The following NTM variants were observed in gnomAD, a reference collection of about 807,000 sequenced individuals.
NTM encodes the protein neurotrimin.
Under a neutral mutation model 42.1 loss-of-function variants are expected in NTM, and 13 were observed. The ratio of observed to expected loss-of-function variants is 0.31; its 90% CI spans 0.20 to 0.49. The LOEUF is 0.49. Among genes scored for constraint, NTM ranks in the 20% least tolerant of loss-of-function variants. NTM has a pLI of 0.99. For missense variants in NTM, 373 were observed against 452.8 expected (o/e 0.82, Z 1.60); for synonymous variants, 187 against 179.2 (o/e 1.04, Z -0.35).
chr11:131,577,258 G>A (rs1251878010), intron 1 of NTM, among the ~76,000 whole-genome samples: 1 of 151,992 alleles, frequency 6.6e-6, no homozygotes, highest in Non-Finnish European at 1.5e-5. Context: ...TTGAGGATGG[G>A]GAAAACATCC....
At chr11:131,966,081 G>A (rs1056859797) in intron 2 of NTM, among the ~76,000 whole-genome samples, 9 of 152,100 alleles carry the variant, frequency 5.9e-5, no homozygotes, top group Non-Finnish European at 1.3e-4. Flanking sequence ...ACACTCGAGG[G>A]TGAGTTAATA....
At chr11:131,751,375 G>T (rs959596039) in intron 1 of NTM, among the ~76,000 whole-genome samples, 1 of 152,076 alleles carries the variant, frequency 6.6e-6, no homozygotes, top group Non-Finnish European at 1.5e-5. Context: ...CGGATCACGA[G>T]GTCAGGGGAT....
intron 1 of NTM, among the ~76,000 whole-genome samples, chr11:131,863,757 C>T (rs57607162): frequency 6.6e-6 from 1 of 152,176 alleles, no homozygotes; most frequent in South Asian, 2.1e-4. Context: ...CCCTAAAAAT[C>T]TTCCACAGGT....
intron 1 of NTM, among the ~76,000 whole-genome samples, chr11:131,650,736 G>A (rs1437401764): frequency 1.3e-5 from 2 of 151,974 alleles, no homozygotes. Flanking sequence ...GAGGAAATGA[G>A]CTTAAACTAC....
At chr11:132,157,463 T>C (rs1035661355) in intron 3 of NTM, among the ~76,000 whole-genome samples, 1 of 152,148 alleles carries the variant, frequency 6.6e-6, no homozygotes, top group African/African-American at 2.4e-5. Flanking sequence ...TGATACTTTT[T>C]GATGTTGAAA....
intron 2 of NTM, among the ~76,000 whole-genome samples, chr11:132,083,991 T>A (rs1566115789): frequency 1.3e-5 from 2 of 151,252 alleles, no homozygotes; most frequent in South Asian, 2.1e-4. Context: ...AAGCAAAAGT[T>A]AAAAAAAAAG....
chr11:132,086,816 T>C (rs1481840055), intron 2 of NTM, among the ~76,000 whole-genome samples: 8 of 152,200 alleles, frequency 5.3e-5, no homozygotes, highest in African/African-American at 1.7e-4. Flanking sequence ...CTGGGTTCTC[T>C]TCCCCTGAGC....
At chr11:132,136,949 T>C (rs1372067938) in intron 2 of NTM, among the ~76,000 whole-genome samples, 1 of 152,190 alleles carries the variant, frequency 6.6e-6, no homozygotes, top group Non-Finnish European at 1.5e-5. Flanking sequence ...GCACTAGGCC[T>C]TGGGCATGGG....
intron 2 of NTM, among the ~76,000 whole-genome samples, chr11:132,080,739 C>G (rs1292796595): frequency 2.0e-5 from 3 of 152,116 alleles, no homozygotes; most frequent in Non-Finnish European, 4.4e-5. Flanking sequence ...GGAATATCTT[C>G]TATTGTTAAT....
chr11:132,263,486 A>G (rs186627800), intron 4 of NTM, among the ~76,000 whole-genome samples: 2 of 152,318 alleles, frequency 1.3e-5, no homozygotes, highest in Admixed American at 6.5e-5. Flanking sequence ...TGACTTCCTT[A>G]TCAAGCAATG....
chr11:131,787,070 A>T (rs762193975), intron 1 of NTM, among the ~76,000 whole-genome samples: 43 of 152,162 alleles, frequency 2.8e-4, no homozygotes, highest in Admixed American at 6.5e-4. Flanking sequence ...TTGAAAATTA[A>T]CTACAAAAAC....
intron 1 of NTM, among the ~76,000 whole-genome samples, chr11:131,754,059 A>C (rs1481548397): frequency 1.4e-5 from 2 of 146,556 alleles, no homozygotes; most frequent in East Asian, 4.2e-4. Flanking sequence ...GCATGTTCTC[A>C]CTCATAGGTG....
intron 4 of NTM, among the ~76,000 whole-genome samples, chr11:132,213,045 C>T (rs573117681): frequency 6.6e-6 from 1 of 152,110 alleles, no homozygotes; most frequent in Admixed American, 6.5e-5. Context: ...CAAGAGCTTT[C>T]TTCAGAGAAG....
intron 4 of NTM, among the ~76,000 whole-genome samples, chr11:132,227,208 A>G (rs2086495316): frequency 6.6e-6 from 1 of 152,210 alleles, no homozygotes; most frequent in Non-Finnish European, 1.5e-5. Context: ...AGGAAATCTC[A>G]AAACCAGTTC....
At chr11:131,436,714 T>C (rs1347309924) in intron 1 of NTM, among the ~76,000 whole-genome samples, 6 of 152,214 alleles carry the variant, frequency 3.9e-5, no homozygotes, top group Non-Finnish European at 7.3e-5. Flanking sequence ...ATCAATTTTG[T>C]TGATATTTTC....
intron 4 of NTM, among the ~76,000 whole-genome samples, chr11:132,300,917 T>C (rs1591839352): frequency 6.6e-6 from 1 of 152,176 alleles, no homozygotes; most frequent in East Asian, 1.9e-4. Flanking sequence ...CTTATTGTTC[T>C]ATGCTTTCCA....
intron 1 of NTM, among the ~76,000 whole-genome samples, chr11:131,715,059 C>T (rs923616527): frequency 6.6e-6 from 1 of 152,174 alleles, no homozygotes; most frequent in Non-Finnish European, 1.5e-5. Flanking sequence ...GGAATAGTCA[C>T]CATAACAAAC....
chr11:131,591,180 C>T (rs2059332777), intron 1 of NTM, among the ~76,000 whole-genome samples: 1 of 152,244 alleles, frequency 6.6e-6, no homozygotes, highest in Non-Finnish European at 1.5e-5. Context: ...CCAGCCCCCA[C>T]CGCAGGGTTC....
intron 1 of NTM, among the ~76,000 whole-genome samples, chr11:131,863,606 C>T (rs931608990): frequency 7.9e-5 from 12 of 152,198 alleles, no homozygotes; most frequent in African/African-American, 2.4e-4. Flanking sequence ...AAGGGGATTT[C>T]CCTTTCCTTC....
Sources: allele counts gnomAD v4.1 joint callset (sites outside exome capture counted in the v4.1 genomes callset), GRCh38; gene constraint gnomAD v4.1.1; transcripts MANE v1.5; gene names NCBI Gene and HGNC (gene_info 2026-07-23, HGNC 2026-07-21).